The following SCAI variants were observed in gnomAD, a reference collection of about 807,000 sequenced individuals.
SCAI encodes protein SCAI.
SCAI carries 24 observed loss-of-function variants against 92.2 expected under a neutral mutation model. The ratio of observed to expected loss-of-function variants is 0.26; its 90% CI spans 0.19 to 0.37. SCAI has a LOEUF of 0.37. Ranked by LOEUF, SCAI falls within the 10% of genes least tolerant of loss-of-function variation. The pLI is 1.00. For missense variants in SCAI, 450 were observed against 736.2 expected (o/e 0.61, Z 4.50); for synonymous variants, 261 against 258.6 (o/e 1.01, Z -0.09).
At chr9:124,963,280 G>A (rs1189758412) in intron 17 of SCAI, among the ~76,000 whole-genome samples, 1 of 149,712 alleles carries the variant, frequency 6.7e-6, no homozygotes, top group Non-Finnish European at 1.5e-5. Context: ...GGGATTACAG[G>A]TGCTCACACC....
At chr9:125,117,184 A>G (rs1263197559) in intron 2 of SCAI, among the ~76,000 whole-genome samples, 1 of 152,218 alleles carries the variant, frequency 6.6e-6, no homozygotes, top group East Asian at 1.9e-4. Context: ...CTTACATTTC[A>G]GCCTTTAAAT....
At chr9:125,018,480 G>A (rs552181413) in intron 9 of SCAI, among the ~76,000 whole-genome samples, 1 of 152,130 alleles carries the variant, frequency 6.6e-6, no homozygotes, top group Non-Finnish European at 1.5e-5. Flanking sequence ...AACTTAGATA[G>A]TTGTAACATT....
chr9:125,003,120 A>G lies in SCAI; in HGVS notation c.1059T>C (p.Ser353=), dbSNP rs769282203. ...FSQLYTFLAA[S]FKELPANSVL... is the part of the protein sequence containing the mutation. Reference sequence around the variant, plus strand: ...AGTACTGGATCACACATACCTTAAAAGACGCTGCTAAGAAGGTATATAGCT... The same window carrying G: ...AGTACTGGATCACACATACCTTAAAGGACGCTGCTAAGAAGGTATATAGCT... The change falls in exon 11 of 18, where the codon TCT becomes TCC. Residue 353 remains serine (S), a synonymous_variant. Transcript: ENST00000336505. 4 of 1,609,606 alleles carry G rather than the reference A, an allele frequency of 2.5e-6. No individual in the cohort carries two copies. Among genetic ancestry groups the G allele is most frequent in the Non-Finnish European group, 3.4e-6 (4 of 1,175,832 alleles).
At chr9:125,099,794 G>A (rs547931281) in intron 2 of SCAI, among the ~76,000 whole-genome samples, 6 of 152,248 alleles carry the variant, frequency 3.9e-5, no homozygotes, top group Non-Finnish European at 7.4e-5. Flanking sequence ...CATATTTGTC[G>A]TTTTGTGTCT....
At chr9:125,032,776 G>C (rs1361126172) in intron 3 of SCAI, among the ~76,000 whole-genome samples, 1 of 151,660 alleles carries the variant, frequency 6.6e-6, no homozygotes, top group African/African-American at 2.4e-5. Context: ...ACCACGCCCG[G>C]TTAATTTTTG....
At chr9:125,018,627 T>C (rs1425020275) in intron 9 of SCAI, among the ~76,000 whole-genome samples, 172 bp downstream of exon 9, 2 of 152,202 alleles carry the variant, frequency 1.3e-5, no homozygotes, top group East Asian at 1.9e-4. Flanking sequence ...AAAAATTCTT[T>C]CTAAGCTATT....
intron 2 of SCAI, among the ~76,000 whole-genome samples, chr9:125,081,331 A>G (rs1834212444): frequency 6.6e-6 from 1 of 152,226 alleles, no homozygotes; most frequent in Non-Finnish European, 1.5e-5. Context: ...AAATGCTGAT[A>G]GTGATATGGA....
At chr9:125,107,324 G>A (rs980960602) in intron 2 of SCAI, among the ~76,000 whole-genome samples, 5 of 151,172 alleles carry the variant, frequency 3.3e-5, no homozygotes, top group South Asian at 2.1e-4. Flanking sequence ...CAGGAGAATC[G>A]CTTGAACCCA....
intron 2 of SCAI, among the ~76,000 whole-genome samples, chr9:125,062,687 G>A (rs1304870489): frequency 1.3e-5 from 2 of 151,016 alleles, no homozygotes; most frequent in Admixed American, 6.6e-5. Context: ...TCTGGGAGGC[G>A]GGGGTTGCAG....
At chr9:125,000,196 T>G (rs577258859) in intron 12 of SCAI, among the ~76,000 whole-genome samples, 6 of 152,160 alleles carry the variant, frequency 3.9e-5, no homozygotes, top group Non-Finnish European at 2.9e-5. Context: ...TAAAAAACAT[T>G]TAATTATTCA....
intron 9 of SCAI, among the ~76,000 whole-genome samples, chr9:125,007,283 A>T (rs1832531346): frequency 6.6e-6 from 1 of 152,242 alleles, no homozygotes; most frequent in Non-Finnish European, 1.5e-5. Flanking sequence ...ACTAGAGAGT[A>T]TAGTTAGCAG....
At chr9:125,088,107 G>GT (rs570939883) in intron 2 of SCAI, among the ~76,000 whole-genome samples, 142 of 151,578 alleles carry the variant, frequency 9.4e-4, no homozygotes, top group Non-Finnish European at 1.6e-3. Context: ...GTTTTGTTTT[G>GT]TTTTTTTTGA....
At chr9:125,117,580 T>C (rs952697341) in intron 2 of SCAI, among the ~76,000 whole-genome samples, 4 of 145,946 alleles carry the variant, frequency 2.7e-5, no homozygotes, top group Non-Finnish European at 5.9e-5. Flanking sequence ...ACAGGAGAAA[T>C]GCTTGTGCCT....
chr9:125,063,609 T>C (rs1438145429), intron 2 of SCAI, among the ~76,000 whole-genome samples: 1 of 152,008 alleles, frequency 6.6e-6, no homozygotes, highest in Non-Finnish European at 1.5e-5. Flanking sequence ...AATACATATC[T>C]TGAAACATCA....
At chr9:124,990,274 A>G (rs1832092309) in intron 14 of SCAI, among the ~76,000 whole-genome samples, 1 of 151,866 alleles carries the variant, frequency 6.6e-6, no homozygotes, top group Admixed American at 6.6e-5. Flanking sequence ...GGATCACCTC[A>G]AGTCAGGAGT....
chr9:125,032,195 A>ATATATATATATATATAT (rs1177865840), intron 3 of SCAI, among the ~76,000 whole-genome samples: 1 of 99,476 alleles, frequency 1.0e-5, no homozygotes, highest in Non-Finnish European at 1.8e-5. Flanking sequence ...ATATATATAT[A>ATATATATATATATATAT]TTTTTTTTTT....
intron 17 of SCAI, chr9:124,968,379 TG>T: frequency 1.7e-6 from 2 of 1,176,120 alleles, no homozygotes; most frequent in Non-Finnish European, 2.6e-6. Flanking sequence ...GAGCACATCA[TG>T]GAGGGACACG....
Position 124,947,960 on chromosome 9 carries a change from T to C in SCAI, c.*4847A>G, listed in dbSNP as rs1184697930. On this transcript the variant is annotated 3_prime_UTR_variant, in exon 18 of 18. Transcript: ENST00000336505. The stretch of plus-strand genomic sequence containing the variant: ...CCAGAGTGTTCTCTGTATATCAGGC[T>C]GATTACAAGTCTCCATAAATAAAAT... 6.6e-6 allele frequency: 1 copy of C among 152,226 alleles called. No individual in the cohort carries two copies. The highest frequency in any genetic ancestry group is 2.4e-5 in the African/African-American group (1 of 41,466). The allele number at this position is 152,226 out of a possible 1,614,324, so 9.4% of individuals were successfully genotyped here.
intron 2 of SCAI, among the ~76,000 whole-genome samples, chr9:125,093,874 T>C (rs1392527767): frequency 6.6e-6 from 1 of 151,682 alleles, no homozygotes; most frequent in Non-Finnish European, 1.5e-5. Context: ...GACACCTACG[T>C]TTTTTTAATC....
Sources: gnomAD v4.1 joint callset for allele counts (sites outside exome capture counted in the v4.1 genomes callset) on GRCh38, gnomAD v4.1.1 for gene constraint, MANE v1.5 for transcripts, NCBI Gene and HGNC (gene_info 2026-07-23, HGNC 2026-07-21) for gene names.